The following THSD7A variants were observed in gnomAD, a reference collection of about 807,000 sequenced individuals.
THSD7A encodes thrombospondin type-1 domain-containing protein 7A.
Under a neutral mutation model 231.3 loss-of-function variants are expected in THSD7A, and 96 were observed. The observed-to-expected ratio is 0.41, with a 90% CI of 0.35 to 0.49. The LOEUF is 0.49. THSD7A is among the 20% of genes least tolerant of loss of function. THSD7A has a pLI of 0.05. For missense variants in THSD7A, 2,290 were observed against 2,070.2 expected (o/e 1.11, Z -2.06); for synonymous variants, 940 against 743.3 (o/e 1.26, Z -4.30).
rs191337630 is a variant in THSD7A at position 11,387,155 on chromosome 7, G to C, written c.4412-4539C>G. Reference sequence around the variant, plus strand: ...GAAGTCAGGTAGCATGATGCCTCCAGCTTTGTTCTTTTTGCTTAGGATTGT... The same window carrying C: ...GAAGTCAGGTAGCATGATGCCTCCACCTTTGTTCTTTTTGCTTAGGATTGT... On this transcript the variant is annotated intron_variant, in intron 23 of 27. Transcript: ENST00000423059. 1.4e-3 allele frequency among the ~76,000 whole-genome samples: 220 copies of C among 152,252 alleles called. 1 individual carries two copies. The highest frequency in any genetic ancestry group is 5.0e-3 in the African/African-American group (209 of 41,540).
intron 6 of THSD7A, among the ~76,000 whole-genome samples, chr7:11,488,280 TATTTATTTATTGATAACCAATAA>T (rs1332512250): frequency 1.3e-5 from 2 of 152,172 alleles, no homozygotes. Context: ...AGTCTTTATA[TATTTATTTATTGATAACCAATAA>T]AAGTTTACAA....
intron 1 of THSD7A, among the ~76,000 whole-genome samples, chr7:11,735,260 T>C (rs1309715220): frequency 2.0e-5 from 3 of 151,844 alleles, no homozygotes; most frequent in Non-Finnish European, 4.4e-5. Flanking sequence ...GTTATAGTAA[T>C]ATAACATTTT....
rs886790030 is a variant in THSD7A, at chr7:11,637,198, T to C, written c.191-237A>G. 1.3e-5 allele frequency among the ~76,000 whole-genome samples: 2 copies of C among 152,212 alleles called. No homozygotes were observed. The highest frequency in any genetic ancestry group is 3.2e-3 in the Middle Eastern group (1 of 316). On this transcript the variant is annotated intron_variant, in intron 1 of 27. Transcript: ENST00000423059. The surrounding 1 kb of genome is among the most constrained non-coding windows in gnomAD (Gnocchi z 4.2). The stretch of plus-strand genomic sequence containing the variant: ...TCTGGGACAATTTCACTTTGGGTCC[T>C]TTAGGGATTACGAAAAGTTTGGTTT...
At chr7:11,824,794 A>G (rs1271696499) in intron 1 of THSD7A, among the ~76,000 whole-genome samples, 1 of 152,178 alleles carries the variant, frequency 6.6e-6, no homozygotes, top group Non-Finnish European at 1.5e-5. Flanking sequence ...AAACAAAGCA[A>G]TGTATAAAAT....
intron 1 of THSD7A, chr7:11,751,408 G>C (rs894846288): frequency 2.0e-5 from 3 of 151,954 alleles, no homozygotes; most frequent in Non-Finnish European, 2.9e-5. Context: ...GGAATGAAGT[G>C]GGGGGAGGAG....
chr7:11,410,853 T>C (rs991857734), intron 19 of THSD7A, among the ~76,000 whole-genome samples: 2 of 152,108 alleles, frequency 1.3e-5, no homozygotes, highest in African/African-American at 4.8e-5. Context: ...TGATGGACCT[T>C]GGCAGGTGTC....
chr7:11,493,853 A>C (rs1786995197), intron 6 of THSD7A, among the ~76,000 whole-genome samples: 1 of 152,040 alleles, frequency 6.6e-6, no homozygotes, highest in Admixed American at 6.6e-5. Flanking sequence ...GTTGCCTAAT[A>C]GAAACCTTTG....
chr7:11,680,077 CAA>C (rs1271480415), intron 1 of THSD7A, among the ~76,000 whole-genome samples: 3 of 119,396 alleles, frequency 2.5e-5, no homozygotes, highest in African/African-American at 3.0e-5. Context: ...ACAAAACTGA[CAA>C]AAAAAAAAAA....
intron 1 of THSD7A, among the ~76,000 whole-genome samples, chr7:11,805,521 A>C (rs1353065738): frequency 6.6e-6 from 1 of 152,124 alleles, no homozygotes; most frequent in Admixed American, 6.6e-5. Flanking sequence ...AAAAATAGAG[A>C]ATAATTCTTC....
intron 1 of THSD7A, among the ~76,000 whole-genome samples, chr7:11,796,596 G>A (rs544598775): frequency 6.6e-6 from 1 of 150,688 alleles, no homozygotes; most frequent in South Asian, 2.1e-4. Flanking sequence ...TTTCATTTAG[G>A]TCTTCCTTTT....
In THSD7A at chr7:11,584,663, T is replaced by C. The variant is rs1791317609; in HGVS notation, c.1453+5797A>G. ...TTCCTATCTGGGGTTCTATTGAAAA[T>C]AGCCTTAAGATGAGAAGTTAAAAGA... On this transcript the variant is annotated intron_variant, in intron 4 of 27. Coordinates refer to ENST00000423059, the MANE Select transcript of THSD7A (RefSeq NM_015204.3). Among the ~76,000 whole-genome samples, 2 of 152,088 alleles carry C rather than the reference T, an allele frequency of 1.3e-5. 1 individual carries two copies. The highest frequency in any genetic ancestry group is 4.8e-5 in the African/African-American group (2 of 41,420).
At chr7:11,830,414 T>A (rs1221877103) in intron 1 of THSD7A, among the ~76,000 whole-genome samples, 1 of 152,268 alleles carries the variant, frequency 6.6e-6, no homozygotes, top group Non-Finnish European at 1.5e-5. Context: ...ATGAATGTGC[T>A]TTTAACAAGT....
chr7:11,389,559 C>T (rs1000273166), intron 23 of THSD7A, among the ~76,000 whole-genome samples: 29 of 148,618 alleles, frequency 2.0e-4, no homozygotes, highest in African/African-American at 5.2e-4. Flanking sequence ...ACTGATAGGT[C>T]TTGACTCTTT....
chr7:11,617,852 A>G (rs1781161357), intron 2 of THSD7A, among the ~76,000 whole-genome samples: 1 of 152,030 alleles, frequency 6.6e-6, no homozygotes, highest in African/African-American at 2.4e-5. Context: ...TAGGGAGAGG[A>G]GGGAGGGATA....
At chr7:11,792,822 TC>T (rs1047370590) in intron 1 of THSD7A, among the ~76,000 whole-genome samples, 1 of 151,982 alleles carries the variant, frequency 6.6e-6, no homozygotes, top group African/African-American at 2.4e-5. Flanking sequence ...TATTCAACTT[TC>T]CATTGCAGCA....
chr7:11,410,573 T>C (rs1433119738), intron 19 of THSD7A: 1 of 152,194 alleles, frequency 6.6e-6, no homozygotes, highest in Admixed American at 6.5e-5. Flanking sequence ...AAGTGTAGCT[T>C]CATAAAAACT....
chr7:11,636,227 G>T lies in THSD7A; in HGVS notation c.925C>A (p.Gln309Lys). Residue 309 changes from glutamine (Q) to lysine (K), a missense_variant, in exon 2 of 28, where the codon CAG (glutamine) becomes AAG (lysine). Gln to Lys is a moderately conservative substitution (Grantham distance 53, BLOSUM62 1). Coordinates refer to ENST00000423059, the MANE Select transcript of THSD7A (RefSeq NM_015204.3). The surrounding 1 kb of genome is among the most constrained non-coding windows in gnomAD (Gnocchi z 10.0). ...LIKKKRNRNRQNRQENKYWDI... is the reference protein window; with the variant it reads ...LIKKKRNRNRKNRQENKYWDI... ...CAATATTTGTTCTCTTGTCTGTTCT[G>T]CCTGTTTCTGTTTCTCTTTTTCTTA... is the stretch of plus-strand genomic sequence containing the variant. 1 of 1,613,956 alleles carries T rather than the reference G, an allele frequency of 6.2e-7. No homozygotes were observed.
chr7:11,407,618 C>G (rs1334424907), intron 19 of THSD7A, among the ~76,000 whole-genome samples, 195 bp from the exon 20 acceptor site: 1 of 152,110 alleles, frequency 6.6e-6, no homozygotes, highest in East Asian at 1.9e-4. Context: ...GTTAGGGGCA[C>G]AGGATGAAAG....
At chr7:11,391,621 A>C (rs1313020270) in intron 23 of THSD7A, among the ~76,000 whole-genome samples, 1 of 141,632 alleles carries the variant, frequency 7.1e-6, no homozygotes, top group African/African-American at 3.1e-5. Flanking sequence ...CTGGCAGTGA[A>C]TGGTTCTGTC....
Sources: gnomAD v4.1 joint callset for allele counts (sites outside exome capture counted in the v4.1 genomes callset) on GRCh38, gnomAD v4.1.1 for gene constraint, Gnocchi (gnomAD v3.1) non-coding constraint, MANE v1.5 for transcripts, NCBI Gene and HGNC (gene_info 2026-07-23, HGNC 2026-07-21) for gene names.